Variants in ANO1 observed in about 807,000 individuals in gnomAD.
The protein encoded by ANO1 is anoctamin-1.
Under a neutral mutation model 124.0 loss-of-function variants are expected in ANO1, and 59 were observed. The observed-to-expected ratio is 0.48, with a 90% CI of 0.39 to 0.59. The LOEUF (loss-of-function observed/expected upper bound fraction) is 0.59, where lower values mean the gene tolerates loss of function less well. Among genes scored for constraint, ANO1 ranks in the 20% least tolerant of loss-of-function variants. The pLI, the probability that ANO1 is intolerant of heterozygous loss-of-function variation, is 0.00. For synonymous variants in ANO1, 529 were observed against 532.0 expected, an observed-to-expected ratio of 0.99 and a Z score of 0.08; for missense variants, 1,059 against 1,328.0, an observed-to-expected ratio of 0.80 and a Z score of 3.15.
chr11:70,181,564 C>T (rs1324948235), intron 23 of ANO1, among the ~76,000 whole-genome samples: 1 of 152,238 alleles, frequency 6.6e-6, no homozygotes, highest in African/African-American at 2.4e-5. Context: ...TACGTCCTGC[C>T]TGCAACAAGC....
intron 8 of ANO1, among the ~76,000 whole-genome samples, chr11:70,119,999 G>A (rs1012819678): frequency 6.6e-5 from 10 of 152,070 alleles, no homozygotes; most frequent in Admixed American, 5.2e-4. Context: ...ATTCTGCCAC[G>A]ATGGCTCCAC....
chr11:70,025,277 C>T (rs1555003044), intron 1 of ANO1, among the ~76,000 whole-genome samples: 1 of 152,226 alleles, frequency 6.6e-6, no homozygotes, highest in East Asian at 1.9e-4. Context: ...GAGGGTTAGA[C>T]AGTAGCATCC....
At chr11:70,067,138 T>C (rs1305801255) in intron 1 of ANO1, among the ~76,000 whole-genome samples, 1 of 152,126 alleles carries the variant, frequency 6.6e-6, no homozygotes, top group African/African-American at 2.4e-5. Context: ...CAGAGCAAGG[T>C]CTGTACTGGC....
intron 22 of ANO1, among the ~76,000 whole-genome samples, chr11:70,177,594 C>CTTTTTTTTTTCTTTTTTTTTT (rs1565281935): frequency 1.1e-4 from 9 of 78,930 alleles, no homozygotes; most frequent in Admixed American, 1.9e-4. Context: ...TTTTTTTTTT[C>CTTTTTTTTTTCTTTTTTTTTT]TTTTTTTTTT....
chr11:70,102,988 T>A, intron 2 of ANO1, 78 bp from the exon 3 acceptor site: 1 of 983,936 alleles, frequency 1.0e-6, no homozygotes, highest in South Asian at 1.5e-5. Context: ...TAAATTGTGG[T>A]GGCCTCTGAA....
At chr11:70,018,137 T>C (rs1555002224) in intron 1 of ANO1, 1 of 152,072 alleles carries the variant, frequency 6.6e-6, no homozygotes, top group African/African-American at 2.4e-5. Context: ...GGAGGGTCTC[T>C]TGAGCCCAGG....
upstream of ANO1, among the ~76,000 whole-genome samples, chr11:69,981,769 A>G (rs1466051517): frequency 6.6e-6 from 1 of 152,182 alleles, no homozygotes; most frequent in East Asian, 1.9e-4. Context: ...CCTTCCAAAG[A>G]CCCTTTGGAA....
At chr11:70,005,191 C>T (rs1856464809) in intron 1 of ANO1, among the ~76,000 whole-genome samples, 1 of 151,320 alleles carries the variant, frequency 6.6e-6, no homozygotes, top group South Asian at 2.1e-4. Context: ...TACTGAACAT[C>T]TCTTTAGTCT....
chr11:70,030,233 C>T (rs185914976), intron 1 of ANO1, among the ~76,000 whole-genome samples: 14 of 152,314 alleles, frequency 9.2e-5, no homozygotes, highest in East Asian at 3.9e-4. Flanking sequence ...TGGAAGTCAC[C>T]GGCTGTGGGA....
intron 14 of ANO1, 46 bp from the exon 15 acceptor site, chr11:70,155,865 C>T: frequency 8.0e-6 from 12 of 1,497,330 alleles, no homozygotes; most frequent in Non-Finnish European, 1.1e-5. Flanking sequence ...GCGGTGCCGC[C>T]TCCCACTTCA....
intron 1 of ANO1, among the ~76,000 whole-genome samples, chr11:70,051,115 AC>A (rs1308613685): frequency 9.2e-5 from 14 of 152,112 alleles, no homozygotes; most frequent in African/African-American, 3.4e-4. Context: ...GATGATTACC[AC>A]CCAGATCAAG....
chr11:70,129,904 A>G (rs575547552), intron 10 of ANO1, among the ~76,000 whole-genome samples: 2 of 152,308 alleles, frequency 1.3e-5, no homozygotes, highest in Admixed American at 1.3e-4. Context: ...TACAGGCATG[A>G]GCCACCGTGC....
chr11:70,125,830 C>T (rs549592129), intron 9 of ANO1, among the ~76,000 whole-genome samples: 73 of 138,374 alleles, frequency 5.3e-4, no homozygotes, highest in African/African-American at 1.4e-3. Context: ...GGCAACAGAG[C>T]GAGACTCCAT....
chr11:70,080,836 C>G (rs2044179723), intron 1 of ANO1, among the ~76,000 whole-genome samples: 2 of 152,220 alleles, frequency 1.3e-5, no homozygotes, highest in African/African-American at 4.8e-5. Context: ...GATGGCCAGA[C>G]AGGCTGGAGG....
chr11:69,968,533 G>T, the ANO1 span, among the ~76,000 whole-genome samples: 1 of 152,208 alleles, frequency 6.6e-6, no homozygotes, highest in Non-Finnish European at 1.5e-5. Context: ...GTTTACCAAG[G>T]AGCCCTCGAA....
intron 24 of ANO1, 32 bp downstream of exon 24, chr11:70,182,718 C>T (rs781215894): frequency 2.1e-6 from 3 of 1,450,080 alleles, no homozygotes; most frequent in South Asian, 1.6e-5. Context: ...TTTGAAAAGC[C>T]ACGTTTATTG....
intron 1 of ANO1, among the ~76,000 whole-genome samples, chr11:70,006,852 T>G (rs755503016): frequency 2.0e-5 from 3 of 151,832 alleles, no homozygotes; most frequent in African/African-American, 7.3e-5. Context: ...CTATTTTTAG[T>G]AGGGAAGGGG....
chr11:69,969,534 A>G, the ANO1 span, among the ~76,000 whole-genome samples: 19 of 152,274 alleles, frequency 1.2e-4, no homozygotes, highest in African/African-American at 4.3e-4. Flanking sequence ...GTCTCTCTTT[A>G]GACTAGGAAC....
At chr11:70,153,168 A>C in intron 14 of ANO1, 40 bp downstream of exon 14, 1 of 1,507,350 alleles carries the variant, frequency 6.6e-7, no homozygotes, top group Non-Finnish European at 9.1e-7. Context: ...CAGCAATAAA[A>C]CACTGTGTTC....
Sources: allele counts gnomAD v4.1 joint callset (sites outside exome capture counted in the v4.1 genomes callset), GRCh38; gene constraint gnomAD v4.1.1; transcripts MANE v1.5; gene names NCBI Gene and HGNC (gene_info 2026-07-23, HGNC 2026-07-21).